INPP4B: variants seen among roughly 807,000 people sequenced by gnomAD.
INPP4B encodes the protein inositol polyphosphate 4-phosphatase type II.
Under a neutral mutation model 122.5 loss-of-function variants are expected in INPP4B, and 55 were observed. The ratio of observed to expected loss-of-function variants is 0.45; its 90% CI spans 0.36 to 0.56. INPP4B has a LOEUF of 0.56. Among genes scored for constraint, INPP4B ranks in the 20% least tolerant of loss-of-function variants. The pLI, the probability that INPP4B is intolerant of heterozygous loss-of-function variation, is 0.00. For synonymous variants in INPP4B, 403 were observed against 388.7 expected, an observed-to-expected ratio of 1.04 and a Z score of -0.43; for missense variants, 1,000 against 1,097.7, an observed-to-expected ratio of 0.91 and a Z score of 1.26.
At chr4:142,637,459 T>G in intron 2 of INPP4B, among the ~76,000 whole-genome samples, 1 of 152,170 alleles carries the variant, frequency 6.6e-6, no homozygotes, top group East Asian at 1.9e-4. Flanking sequence ...TTGTAGCCCT[T>G]TTAGATTTGA....
chr4:142,337,870 G>A (rs1343279683), intron 7 of INPP4B, among the ~76,000 whole-genome samples: 1 of 149,640 alleles, frequency 6.7e-6, no homozygotes, highest in Non-Finnish European at 1.5e-5. Context: ...TCTTTTTATG[G>A]TGTCTTTTTC....
chr4:142,523,701 C>T (rs1002227576), intron 2 of INPP4B, among the ~76,000 whole-genome samples: 1 of 151,402 alleles, frequency 6.6e-6, no homozygotes, highest in Non-Finnish European at 1.5e-5. Context: ...TACATGTGCA[C>T]ATTGTGCAGG....
chr4:142,164,401 T>G (rs532611982), intron 16 of INPP4B, among the ~76,000 whole-genome samples: 1 of 152,026 alleles, frequency 6.6e-6, no homozygotes, highest in South Asian at 2.1e-4. Context: ...CATATGCAAG[T>G]GATTATTATT....
intron 1 of INPP4B, among the ~76,000 whole-genome samples, chr4:142,818,619 T>C (rs974828527): frequency 3.9e-5 from 6 of 152,238 alleles, no homozygotes; most frequent in Middle Eastern, 3.4e-3. Context: ...ATAAAAATTT[T>C]TGTGGCTAGT....
intron 2 of INPP4B, among the ~76,000 whole-genome samples, chr4:142,497,393 T>A (rs1027602040): frequency 5.3e-5 from 8 of 152,118 alleles, no homozygotes; most frequent in African/African-American, 1.9e-4. Flanking sequence ...AACCAAATCA[T>A]TTTCCCAAAA....
At chr4:142,639,976 G>T (rs79777921) in intron 2 of INPP4B, among the ~76,000 whole-genome samples, 4,308 of 152,074 alleles carry the variant, frequency 0.028, 78 homozygotes, top group Non-Finnish European at 0.041. Flanking sequence ...GCAGAAGCTA[G>T]AATTACAAAG....
intron 2 of INPP4B, among the ~76,000 whole-genome samples, chr4:142,713,418 T>G (rs1763355070): frequency 6.6e-6 from 1 of 152,076 alleles, no homozygotes; most frequent in Non-Finnish European, 1.5e-5. Context: ...ATTTGGCAAG[T>G]GGAAAATCTG....
intron 2 of INPP4B, among the ~76,000 whole-genome samples, chr4:142,527,959 G>T (rs984876606): frequency 4.0e-5 from 6 of 151,788 alleles, no homozygotes; most frequent in African/African-American, 1.5e-4. Context: ...ATAAATCAAG[G>T]CAATAGAACC....
At chr4:142,231,310 C>G (rs1332869766) in intron 12 of INPP4B, among the ~76,000 whole-genome samples, 1 of 152,208 alleles carries the variant, frequency 6.6e-6, no homozygotes, top group Non-Finnish European at 1.5e-5. Flanking sequence ...ATAACTTCCT[C>G]CATTCTCAAT....
At chr4:142,453,166 C>T (rs1327292634) in intron 3 of INPP4B, among the ~76,000 whole-genome samples, 3 of 152,000 alleles carry the variant, frequency 2.0e-5, no homozygotes, top group East Asian at 1.9e-4. Context: ...ATTCTTTTTT[C>T]GCATGCACCA....
intron 1 of INPP4B, among the ~76,000 whole-genome samples, chr4:142,750,461 A>T (rs1454781113): frequency 6.6e-6 from 1 of 152,170 alleles, no homozygotes; most frequent in Non-Finnish European, 1.5e-5. Context: ...GATTTTTTTT[A>T]AATGACAAGT....
At chr4:142,067,847 A>G (rs2152466520) in intron 25 of INPP4B, among the ~76,000 whole-genome samples, 1 of 152,342 alleles carries the variant, frequency 6.6e-6, no homozygotes, top group South Asian at 2.1e-4. Flanking sequence ...GACCAAATCT[A>G]TGTCTGATTG....
chr4:142,782,318 T>C (rs1463778296), intron 1 of INPP4B, among the ~76,000 whole-genome samples: 26 of 150,668 alleles, frequency 1.7e-4, no homozygotes, highest in Admixed American at 2.6e-4. Context: ...GAACTCATCA[T>C]TTTTTATGGC....
intron 2 of INPP4B, among the ~76,000 whole-genome samples, chr4:142,668,911 C>T (rs1265167245): frequency 6.6e-5 from 10 of 151,274 alleles, no homozygotes; most frequent in African/African-American, 1.9e-4. Flanking sequence ...AAAAATTAGC[C>T]GGGCGTGGTG....
At chr4:142,521,106 G>A (rs1444122489) in intron 2 of INPP4B, among the ~76,000 whole-genome samples, 1 of 150,972 alleles carries the variant, frequency 6.6e-6, no homozygotes, top group Non-Finnish European at 1.5e-5. Flanking sequence ...ACCTAAAAGG[G>A]AATAAGACTT....
chr4:142,310,006 T>C (rs1764869345), intron 8 of INPP4B, among the ~76,000 whole-genome samples: 1 of 152,198 alleles, frequency 6.6e-6, no homozygotes, highest in African/African-American at 2.4e-5. Context: ...GCAGATCCTC[T>C]GTGGCTCCCC....
chr4:142,452,926 A>G (rs904747156), intron 3 of INPP4B, among the ~76,000 whole-genome samples: 7 of 152,172 alleles, frequency 4.6e-5, no homozygotes, highest in African/African-American at 1.4e-4. Flanking sequence ...AAAAAATGGA[A>G]CACGAGCATT....
chr4:142,460,650 T>C (rs1232653379), intron 3 of INPP4B, among the ~76,000 whole-genome samples: 1 of 152,184 alleles, frequency 6.6e-6, no homozygotes, highest in Non-Finnish European at 1.5e-5. Context: ...CTTGTCTTTC[T>C]GGTATGAAAC....
chr4:142,316,921 T>C (rs1156679885), intron 7 of INPP4B, among the ~76,000 whole-genome samples: 1 of 152,214 alleles, frequency 6.6e-6, no homozygotes, highest in Non-Finnish European at 1.5e-5. Context: ...CAGTGAATAA[T>C]GCCCCAGTGT....
Sources: allele counts gnomAD v4.1 joint callset (sites outside exome capture counted in the v4.1 genomes callset), GRCh38; gene constraint gnomAD v4.1.1; transcripts MANE v1.5; gene names NCBI Gene and HGNC (gene_info 2026-07-23, HGNC 2026-07-21).